Variants in LGI4 observed in about 807,000 individuals in gnomAD.
LGI4 encodes leucine-rich repeat LGI family member 4.
LGI4 carries 36 observed loss-of-function variants against 48.3 expected under a neutral mutation model. The observed-to-expected ratio is 0.75, with a 90% CI of 0.57 to 0.98. The LOEUF (loss-of-function observed/expected upper bound fraction) is 0.98. Among genes scored for constraint, LGI4 ranks in the 50% least tolerant of loss-of-function variants. The probability of loss-of-function intolerance (pLI) is 0.00; values close to 1 mark genes in which losing one functional copy is unlikely to be tolerated. For synonymous variants in LGI4, 355 were observed against 331.6 expected (o/e 1.07, Z -0.77); for missense variants, 701 against 732.1 (o/e 0.96, Z 0.49).
chr19:35,126,546 G>A lies in LGI4; in HGVS notation c.1023C>T (p.Ser341=). The change falls in exon 8 of 9, where the codon AGC becomes AGT. Residue 341 remains serine, a synonymous_variant. Transcript: ENST00000310123. The part of the protein sequence containing the change: ...FVVADASKAG[S]TTLLCRDGPG... The stretch of plus-strand genomic sequence containing the variant: ...GCCCGTCGCGGCACAGCAGCGTGGT[G>A]CTGCCCGCCTTGGAGGCATCGGCCA... The A allele has an allele frequency of 6.5e-7, 1 of 1,540,780 alleles. No homozygotes were observed. Among genetic ancestry groups the A allele is most frequent in the Non-Finnish European group, 8.7e-7 (1 of 1,148,312 alleles).
intron 8 of LGI4, chr19:35,125,842 C>T: frequency 1.7e-6 from 1 of 587,978 alleles, no homozygotes; most frequent in Admixed American, 2.2e-5. Flanking sequence ...CCCTGCTCCC[C>T]CAGTCTGTTC....
intron 6 of LGI4, among the ~76,000 whole-genome samples, chr19:35,128,732 A>C (rs911308112): frequency 1.6e-4 from 25 of 152,028 alleles, no homozygotes; most frequent in African/African-American, 6.0e-4. Flanking sequence ...ACAAACATAC[A>C]AAAAACTTTC....
Position 35,133,710 on chromosome 19 carries a change from C to A in LGI4, c.297G>T (p.Leu99=). The A allele has an allele frequency of 6.2e-7, 1 of 1,607,198 alleles. No individual in the cohort carries two copies. Among genetic ancestry groups the A allele is most frequent in the Non-Finnish European group, 8.5e-7 (1 of 1,177,358 alleles). ...SVIEDDAFAG[L]SHLQYLFIED... Reference sequence around the variant, plus strand: ...TCACTCACAGGTACTGCAGGTGGGACAGGCCCGCAAATGCATCGTCCTCAA... The same window carrying A: ...TCACTCACAGGTACTGCAGGTGGGAAAGGCCCGCAAATGCATCGTCCTCAA... Residue 99 remains leucine (L), a synonymous_variant, in exon 3 of 9, where the codon CTG becomes CTT. Transcript: ENST00000310123.
At chr19:35,129,370 GA>G (rs1359366360) in intron 6 of LGI4, among the ~76,000 whole-genome samples, 8 of 151,746 alleles carry the variant, frequency 5.3e-5, no homozygotes, top group Non-Finnish European at 7.4e-5. Flanking sequence ...GAAAGGAAGA[GA>G]GATCAGACTG....
Position 35,131,735 on chromosome 19 carries a change from C to T in LGI4, c.458+54G>A, listed in dbSNP as rs1196288612. 13 of 1,456,462 alleles carry T rather than the reference C, an allele frequency of 8.9e-6. 1 individual carries two copies. The Admixed American group carries it at 9.9e-5, about 11-fold the overall frequency. The allele number at this position is 1,456,462 out of a possible 1,614,324, so 90.2% of individuals were successfully genotyped here. A position where few individuals can be genotyped will look rare whatever the true frequency, so the allele number is the denominator to read the frequency against. ...ACCAGAAGTGGGCACGGATGCCCCC[C>T]GCCGACACAAACATTCCCCAACCCC... On this transcript the variant is annotated intron_variant, in intron 5 of 8. Transcript: ENST00000310123.
intron 8 of LGI4, chr19:35,125,947 CA>C (rs1161213553): frequency 3.7e-6 from 2 of 535,750 alleles, no homozygotes; most frequent in Admixed American, 2.7e-5. Flanking sequence ...AAACAGTGGG[CA>C]GTGCTTAACC....
At chr19:35,131,899 G>C in intron 4 of LGI4, 39 bp from the exon 5 acceptor site, 1 of 1,564,370 alleles carries the variant, frequency 6.4e-7, no homozygotes, top group Middle Eastern at 1.7e-4. Flanking sequence ...CAGCCACAAG[G>C]ATACCCTGTG....
chr19:35,132,402 C>T (rs190646336), intron 3 of LGI4, among the ~76,000 whole-genome samples: 75 of 151,656 alleles, frequency 4.9e-4, no homozygotes, highest in Middle Eastern at 3.4e-3. Context: ...ACCCCAGGAC[C>T]AATAACTGCC....
At chr19:35,127,668 G>A (rs944419894) in intron 6 of LGI4, among the ~76,000 whole-genome samples, 1 of 152,218 alleles carries the variant, frequency 6.6e-6, no homozygotes, top group Non-Finnish European at 1.5e-5. Context: ...TTACAAGCGT[G>A]AGGCACCGTG....
chr19:35,133,870 G>T, intron 2 of LGI4, 106 bp from the exon 3 acceptor site: 1 of 1,350,974 alleles, frequency 7.4e-7, no homozygotes, highest in Non-Finnish European at 1.0e-6. Context: ...ACGCAGGTGT[G>T]AGTATGTGCA....
rs1285283742 is a variant in LGI4, at chr19:35,126,606, C to T, written c.963G>A (p.Glu321=). 3 of 1,541,902 alleles carry T rather than the reference C, an allele frequency of 1.9e-6. No individual in the cohort carries two copies. Among genetic ancestry groups the T allele is most frequent in the Middle Eastern group, 1.7e-4 (1 of 5,886 alleles). The part of the protein sequence containing the change: ...PRRLLRPNDA[E]LLWLEGQPCF... ...AGGGTTGCCCTTCCAGCCACAGGAG[C>T]TCGGCGTCATTGGGCCGCAGCAGCC... Residue 321 remains glutamate, a synonymous_variant, in exon 8 of 9, where the codon GAG becomes GAA. Coordinates refer to ENST00000310123, the MANE Select transcript of LGI4 (RefSeq NM_139284.3).
Position 35,133,371 on chromosome 19 carries a change from G to T in LGI4, c.314+322C>A, listed in dbSNP as rs116656626. 10,056 of 1,187,420 alleles carry T rather than the reference G, an allele frequency of 8.5e-3. 496 individuals are homozygous for T. In the African/African-American group the frequency reaches 0.11, roughly 13 times the overall value. 73.6% of individuals were successfully genotyped at this position (1,187,420 alleles called of 1,614,324 possible). A position where few individuals can be genotyped will look rare whatever the true frequency, so the allele number is the denominator to read the frequency against. On this transcript the variant is annotated intron_variant, in intron 3 of 8. Coordinates refer to ENST00000310123, the MANE Select transcript of LGI4 (RefSeq NM_139284.3). ...GAAACGTTTCTTGTCTCTGACTTCT[G>T]TACACCCTTCCTGGGTTTCTATGAG...
chr19:35,131,934 GC>G (rs1271545148), intron 4 of LGI4, 36 bp downstream of exon 4: 1 of 1,573,194 alleles, frequency 6.4e-7, no homozygotes, highest in Non-Finnish European at 8.6e-7. Flanking sequence ...GAGCATGGGT[GC>G]CTCTCATGGA....
At position 35,134,623 on chromosome 19, in the gene LGI4, A is replaced by T. The variant is rs1319843129; in HGVS notation, c.58T>A (p.Trp20Arg). 6.3e-7 allele frequency: 1 copy of T among 1,580,990 alleles called. No individual in the cohort carries two copies. Among genetic ancestry groups the T allele is most frequent in the South Asian group, 1.1e-5 (1 of 86,982 alleles). ...LLAGAGVVVA[W>R]RPPKGKCPLR... The stretch of plus-strand genomic sequence containing the variant: ...GGACACTTTCCCTTTGGGGGTCTCC[A>T]GGCCACCACCACCCCCGCCCCAGCC... Residue 20 changes from tryptophan (W) to arginine (R), a missense_variant, in exon 1 of 9, where the codon TGG becomes AGG. Coordinates refer to ENST00000310123, the MANE Select transcript of LGI4 (RefSeq NM_139284.3).
intron 2 of LGI4, 40 bp from the exon 3 acceptor site, chr19:35,133,804 G>T (rs1163437284): frequency 6.4e-7 from 1 of 1,560,752 alleles, no homozygotes; most frequent in Admixed American, 1.9e-5. Flanking sequence ...CAGAATTGCA[G>T]CCCCCATCTG....
intron 6 of LGI4, among the ~76,000 whole-genome samples, chr19:35,127,354 T>A (rs2065147527): frequency 6.6e-6 from 1 of 152,152 alleles, no homozygotes; most frequent in Non-Finnish European, 1.5e-5. Flanking sequence ...GCTATTTTTT[T>A]ATTTTTTGCA....
chr19:35,133,925 C>T, intron 2 of LGI4, 108 bp downstream of exon 2: 2 of 1,319,054 alleles, frequency 1.5e-6, no homozygotes, highest in South Asian at 1.3e-5. Flanking sequence ...CACCCCCACA[C>T]ACGTGCATCA....
intron 5 of LGI4, 38 bp downstream of exon 5, chr19:35,131,751 C>G: frequency 6.7e-6 from 10 of 1,495,880 alleles, no homozygotes; most frequent in Non-Finnish European, 9.1e-6. Flanking sequence ...CACAAACATT[C>G]CCCAACCCCC....
Position 35,126,332 on chromosome 19 carries a change from G to C in LGI4, c.1237C>G (p.Arg413Gly). Residue 413 changes from arginine (R) to glycine (G), a missense_variant, in exon 8 of 9, where the codon CGC (arginine) becomes GGC (glycine). Around this residue, in one of 3 missense-constraint regions of LGI4, gnomAD observed 223 missense variants for 263.3 expected, o/e 0.85. Transcript: ENST00000310123. ...IPEAEDVYAT[R>G]HFQAGGDVFL... is the part of the protein sequence containing the mutation. ...ACGTCCCCACCAGCCTGGAAGTGGC[G>C]TGTGGCATAGACATCCTCGGCCTCG... 2 of 1,611,648 alleles carry C rather than the reference G, an allele frequency of 1.2e-6. No individual in the cohort carries two copies. The highest frequency in any genetic ancestry group is 1.7e-6 in the Non-Finnish European group (2 of 1,179,406).
Sources: gnomAD v4.1 joint callset for allele counts (sites outside exome capture counted in the v4.1 genomes callset) on GRCh38, gnomAD v4.1.1 for gene constraint, gnomAD v4.1.1 regional missense constraint, MANE v1.5 for transcripts, NCBI Gene and HGNC (gene_info 2026-07-23, HGNC 2026-07-21) for gene names.